The following NBEA variants were observed in gnomAD, a reference collection of about 807,000 sequenced individuals.
NBEA encodes the protein lysosomal-trafficking regulator 2.
NBEA carries 44 observed loss-of-function variants against 343.4 expected under a neutral mutation model. The ratio of observed to expected loss-of-function variants is 0.13; its 90% confidence interval spans 0.10 to 0.16. NBEA has a LOEUF of 0.16. NBEA is among the 10% of genes least tolerant of loss of function. The probability of loss-of-function intolerance (pLI) is 1.00; values close to 1 mark genes in which losing one functional copy is unlikely to be tolerated. For missense variants in NBEA, 2,555 were observed against 3,631.3 expected (o/e 0.70, Z 7.62); for synonymous variants, 1,175 against 1,238.7 (o/e 0.95, Z 1.08).
intron 31 of NBEA, among the ~76,000 whole-genome samples, chr13:35,207,339 G>C (rs966957165): frequency 2.0e-5 from 3 of 151,994 alleles, no homozygotes; most frequent in African/African-American, 7.2e-5. Flanking sequence ...GTATGAAATA[G>C]AGATGCATTA....
At chr13:34,959,559 G>A (rs1050978764) in intron 1 of NBEA, among the ~76,000 whole-genome samples, 1 of 152,048 alleles carries the variant, frequency 6.6e-6, no homozygotes, top group African/African-American at 2.4e-5. Flanking sequence ...TCATTTTTAG[G>A]GTGACTGACA....
intron 18 of NBEA, among the ~76,000 whole-genome samples, chr13:35,150,798 G>A (rs905344554): frequency 1.5e-5 from 2 of 136,062 alleles, no homozygotes; most frequent in African/African-American, 3.2e-5. Context: ...ATATTTTAGA[G>A]TAGAGTAGAG....
Position 34,967,278 on chromosome 13 carries a change from A to G in NBEA, c.294+24164A>G, listed in dbSNP as rs9315326. 9.8e-3 allele frequency among the ~76,000 whole-genome samples: 1,480 copies of G among 151,698 alleles called. 20 individuals carry two copies. Among genetic ancestry groups the G allele is most frequent in the African/African-American group, 0.034 (1,425 of 41,434 alleles). ...TGACGGAAAATGAAGGTTGGGTTAG[A>G]TATCTGTGGTTTTTGTAGGCTTTAA... On this transcript the variant is annotated intron_variant, in intron 1 of 58. Coordinates refer to ENST00000379939, the MANE Select transcript of NBEA (RefSeq NM_001385012.1).
At chr13:35,178,788 T>A (rs17068341) in intron 28 of NBEA, among the ~76,000 whole-genome samples, 1 of 151,394 alleles carries the variant, frequency 6.6e-6, no homozygotes, top group Non-Finnish European at 1.5e-5. Flanking sequence ...AAGAACTCAC[T>A]GTAATCTAAA....
At chr13:35,473,238 T>C (rs2075731952) in intron 41 of NBEA, among the ~76,000 whole-genome samples, 1 of 152,186 alleles carries the variant, frequency 6.6e-6, no homozygotes, top group African/African-American at 2.4e-5. Flanking sequence ...CTGAGATCTG[T>C]TCTAATGTTT....
chr13:35,205,667 T>G (rs1364405785), intron 31 of NBEA, among the ~76,000 whole-genome samples: 2 of 152,014 alleles, frequency 1.3e-5, no homozygotes, highest in East Asian at 3.9e-4. Context: ...GATTATTGCT[T>G]CTTTCAGTCT....
chr13:35,245,173 A>C (rs2030987516), intron 34 of NBEA, among the ~76,000 whole-genome samples: 1 of 151,916 alleles, frequency 6.6e-6, no homozygotes. Context: ...TTTTACCTTA[A>C]TTTTATGTGA....
chr13:35,446,534 C>T (rs1051355040), intron 39 of NBEA, among the ~76,000 whole-genome samples: 1 of 152,000 alleles, frequency 6.6e-6, no homozygotes, highest in African/African-American at 2.4e-5. Context: ...CTGACTGAAT[C>T]CTGAAGGAAT....
At chr13:35,059,531 C>CA (rs1331644652) in intron 8 of NBEA, among the ~76,000 whole-genome samples, 2 of 151,796 alleles carry the variant, frequency 1.3e-5, no homozygotes, top group East Asian at 3.9e-4. Flanking sequence ...TGTAAAGTCT[C>CA]AAACTACTTC....
intron 49 of NBEA, among the ~76,000 whole-genome samples, chr13:35,630,812 C>G: frequency 6.6e-6 from 1 of 152,116 alleles, no homozygotes; most frequent in Non-Finnish European, 1.5e-5. Flanking sequence ...CCCTGTGGAC[C>G]TGTGTGGACT....
chr13:35,261,273 C>G (rs1428499857), intron 34 of NBEA, among the ~76,000 whole-genome samples: 1 of 152,078 alleles, frequency 6.6e-6, no homozygotes, highest in Admixed American at 6.6e-5. Context: ...AGCACTTTGG[C>G]AGGCTGAGGC....
intron 4 of NBEA, among the ~76,000 whole-genome samples, chr13:35,045,707 TTTTTG>T (rs57585958): frequency 0.1 from 15,682 of 150,804 alleles, 963 homozygotes; most frequent in African/African-American, 0.16. Flanking sequence ...TATACAGTGT[TTTTTG>T]TTTTGTTTTG....
intron 1 of NBEA, among the ~76,000 whole-genome samples, chr13:34,969,371 A>G (rs1409307948): frequency 1.3e-5 from 2 of 150,408 alleles, no homozygotes; most frequent in Non-Finnish European, 3.0e-5. Context: ...TTCTGGCTTG[A>G]TAGTTTTATT....
At chr13:35,214,794 A>C (rs1048800469) in intron 33 of NBEA, among the ~76,000 whole-genome samples, 45 of 151,954 alleles carry the variant, frequency 3.0e-4, no homozygotes, top group African/African-American at 1.1e-3. Flanking sequence ...ATATTCTACT[A>C]TATTTTCTTC....
chr13:35,313,529 T>C lies in NBEA; in HGVS notation c.5903+3937T>C, dbSNP rs149237269. ...ATGGTCAAAAAGAGGATTTTTAAGTTAGTACTAAAGGGACCACTGGGTTCA... is the reference window on the plus strand; with the variant it reads ...ATGGTCAAAAAGAGGATTTTTAAGTCAGTACTAAAGGGACCACTGGGTTCA... On this transcript the variant is annotated intron_variant, in intron 36 of 58. Transcript: ENST00000379939. 4.7e-3 allele frequency among the ~76,000 whole-genome samples: 712 copies of C among 152,250 alleles called. 8 individuals are homozygous for C. The highest frequency in any genetic ancestry group is 0.016 in the African/African-American group (667 of 41,550).
chr13:35,546,980 TAAAAAA>T (rs950184838), intron 41 of NBEA, among the ~76,000 whole-genome samples: 6 of 151,770 alleles, frequency 4.0e-5, no homozygotes, highest in African/African-American at 1.5e-4. Context: ...TGGTTTGCTA[TAAAAAA>T]AAGAAAAGAA....
intron 31 of NBEA, among the ~76,000 whole-genome samples, chr13:35,207,754 C>G (rs902513989): frequency 6.6e-6 from 1 of 152,120 alleles, no homozygotes; most frequent in African/African-American, 2.4e-5. Context: ...AAATAAACTT[C>G]TAACCAAATG....
At chr13:35,205,765 T>C (rs921958210) in intron 31 of NBEA, among the ~76,000 whole-genome samples, 1 of 152,126 alleles carries the variant, frequency 6.6e-6, no homozygotes, top group Admixed American at 6.6e-5. Context: ...TATTGGCTGC[T>C]TAGAATATTC....
intron 31 of NBEA, among the ~76,000 whole-genome samples, chr13:35,202,654 C>T (rs2073102380): frequency 6.6e-6 from 1 of 152,064 alleles, no homozygotes; most frequent in African/African-American, 2.4e-5. Context: ...CTTCTTTGGC[C>T]ATCTCATCCA....
Sources: gnomAD v4.1 joint callset for allele counts (sites outside exome capture counted in the v4.1 genomes callset) on GRCh38, gnomAD v4.1.1 for gene constraint, MANE v1.5 for transcripts, NCBI Gene and HGNC (gene_info 2026-07-23, HGNC 2026-07-21) for gene names.